SCART1: variants seen among roughly 807,000 people sequenced by gnomAD.
The protein encoded by SCART1 is scavenger receptor cysteine-rich domain-containing protein SCART1.
A neutral mutation model predicts 36.2 loss-of-function variants in SCART1; 62 were observed. The ratio of observed to expected loss-of-function variants is 1.71; its 90% CI spans 1.40 to 2.12. SCART1 has a LOEUF of 2.12. Ranked by LOEUF, SCART1 falls within the 30% of genes most tolerant of loss-of-function variation. SCART1 has a pLI of 0.00. For synonymous variants in SCART1, 487 were observed against 238.7 expected (o/e 2.04, Z -9.59); for missense variants, 1,041 against 540.5 (o/e 1.93, Z -9.18).
chr10:133,457,486 G>A (rs1027158621), exon 3 of SCART1: 1 of 702,746 alleles, frequency 1.4e-6, no homozygotes, highest in African/African-American at 1.7e-5. Context: ...GCCTGCAGGG[G>A]TACCGAGCCC....
At position 133,459,494 on chromosome 10, in the gene SCART1, C is replaced by T. The variant is rs755493520; in HGVS notation, c.1293C>T (p.Ala431=). 1.1e-4 allele frequency: 71 copies of T among 651,558 alleles called. 2 individuals carry two copies. In the South Asian group the frequency reaches 1.2e-3, roughly 11 times the overall value. The allele number at this position is 651,558 out of a possible 1,614,324, so 40.4% of individuals were successfully genotyped here. The change falls in exon 6 of 12, where the codon GCC becomes GCT. Residue 431 remains alanine, a synonymous_variant. Coordinates refer to ENST00000640237, the Ensembl canonical transcript of SCART1. ...GTGCGTCCCCATCCCCAGGTCTGGCCCACGCCCTGCGACTGAGGGAAGGAC... is the reference window on the plus strand; with the variant it reads ...GTGCGTCCCCATCCCCAGGTCTGGCTCACGCCCTGCGACTGAGGGAAGGAC...
exon 3 of SCART1, chr10:133,457,378 T>C (rs1239464706): frequency 4.3e-6 from 3 of 701,716 alleles, no homozygotes; most frequent in Non-Finnish European, 7.8e-6. Context: ...CTCTGTGTCC[T>C]GCATGTGGAG....
rs1564833437 is a variant in SCART1 at position 133,456,609 on chromosome 10, C to CGAGGAGGAGGACTGGGAGGACGCA, written c.385+64_385+87dup. The CGAGGAGGAGGACTGGGAGGACGCA allele has an allele frequency of 4.0e-5, 24 of 603,506 alleles. No individual in the cohort carries two copies. In the South Asian group the frequency reaches 4.7e-4, roughly 12 times the overall value. The allele number at this position is 603,506 out of a possible 1,614,324, so 37.4% of individuals were successfully genotyped here. A position where few individuals can be genotyped will look rare whatever the true frequency, so the allele number is the denominator to read the frequency against. ...CTGAGGAGGAGGAGGAGTGGGAGGA[C>CGAGGAGGAGGACTGGGAGGACGCA]GAGGAGGAGGACTGGGAGGACGCAG... is the stretch of plus-strand genomic sequence containing the variant. On this transcript the variant is annotated intron_variant, in intron 2 of 11. Transcript: ENST00000640237.
At position 133,454,205 on chromosome 10, in the gene SCART1, G is replaced by A. The variant is rs557857074; in HGVS notation, c.67+141G>A. The stretch of plus-strand genomic sequence containing the variant: ...CAGCCCAGAGTGGGTGGGACATGCT[G>A]GGGCAGGAGGGAGGTGACTCCACAT... On this transcript the variant is annotated intron_variant, in intron 1 of 11. Transcript: ENST00000640237. The A allele has an allele frequency of 2.5e-5, 16 of 650,598 alleles. No homozygotes were observed. In the South Asian group the frequency reaches 2.7e-4, roughly 11 times the overall value. 40.3% of individuals were successfully genotyped at this position (650,598 alleles called of 1,614,324 possible). A position where few individuals can be genotyped will look rare whatever the true frequency, so the allele number is the denominator to read the frequency against.
At chr10:133,459,761 G>A in exon 6 of SCART1, 1 of 690,870 alleles carries the variant, frequency 1.4e-6, no homozygotes, top group Non-Finnish European at 2.6e-6. Context: ...CGACCCTGCA[G>A]GAGCCCGCGG....
Position 133,464,741 on chromosome 10 carries a change from TGGGGTG to T in SCART1, c.2106_2111del (p.Cys704_Gly705del), listed in dbSNP as rs1850742670. 37 of 535,734 alleles carry T rather than the reference TGGGGTG, an allele frequency of 6.9e-5. No homozygotes were observed. The East Asian group carries it at 1.5e-3, about 22-fold the overall frequency. 33.2% of individuals were successfully genotyped at this position (535,734 alleles called of 1,614,324 possible). A position where few individuals can be genotyped will look rare whatever the true frequency, so the allele number is the denominator to read the frequency against. The stretch of plus-strand genomic sequence containing the variant: ...TCCTTGTCCATCATCTGCAAGCAGC[TGGGGTG>T]TGGGGTGTGGGGAGTGGGGCTGGCT... On this transcript the variant is annotated inframe_deletion, in exon 7 of 12. Coordinates refer to ENST00000640237, the Ensembl canonical transcript of SCART1.
chr10:133,457,196 G>A (rs1028093376), intron 2 of SCART1, 83 bp from the exon 3 acceptor site: 13 of 677,182 alleles, frequency 1.9e-5, no homozygotes, highest in African/African-American at 3.6e-5. Flanking sequence ...GCCCATCACT[G>A]TCCTCCCTGA....
chr10:133,456,520 C>G (rs1043495509), exon 2 of SCART1: 1 of 683,592 alleles, frequency 1.5e-6, no homozygotes, highest in Admixed American at 2.0e-5. Flanking sequence ...AGAGCCCGTG[C>G]CCCCACGCAT....
exon 4 of SCART1, chr10:133,458,517 C>T (rs767054972): frequency 1.1e-4 from 71 of 675,604 alleles, no homozygotes; most frequent in Admixed American, 2.2e-4. Context: ...CGCCCGAGGG[C>T]GCCCGCTTCG....
chr10:133,467,883 C>T (rs1850781168), exon 12 of SCART1: 2 of 699,406 alleles, frequency 2.9e-6, no homozygotes, highest in Admixed American at 2.0e-5. Flanking sequence ...GAGGGACAGT[C>T]TATACGTGCG....
intron 4 of SCART1, 105 bp downstream of exon 4, chr10:133,458,761 G>C: frequency 1.5e-6 from 1 of 675,070 alleles, no homozygotes; most frequent in Non-Finnish European, 2.6e-6. Flanking sequence ...GGGTGCTTTT[G>C]ATGTTTGCTT....
At chr10:133,455,295 C>T (rs139574040) in intron 1 of SCART1, among the ~76,000 whole-genome samples, 4 of 152,146 alleles carry the variant, frequency 2.6e-5, no homozygotes, top group East Asian at 1.9e-4. Flanking sequence ...GACACCAGCA[C>T]GCATCCATGT....
intron 6 of SCART1, among the ~76,000 whole-genome samples, chr10:133,461,384 G>C (rs1850700002): frequency 6.6e-6 from 1 of 152,196 alleles, no homozygotes; most frequent in Non-Finnish European, 1.5e-5. Flanking sequence ...TTATCCAAGT[G>C]TGGGCTCTTC....
Position 133,462,694 on chromosome 10 carries a change from A to G in SCART1, c.1970-1912A>G, listed in dbSNP as rs570523498. Among the ~76,000 whole-genome samples, 9 of 152,248 alleles carry G rather than the reference A, an allele frequency of 5.9e-5. No homozygotes were observed. The East Asian group carries it at 1.7e-3, about 29-fold the overall frequency. On this transcript the variant is annotated intron_variant, in intron 6 of 11. Coordinates refer to ENST00000640237, the Ensembl canonical transcript of SCART1. ...TAGTGCCTTCAGTCACTTGATGGTT[A>G]GGTGGAGCCTTGCTTCGGGGCCCTG...
At chr10:133,468,096 G>A (rs1174933093) in exon 12 of SCART1, 5 of 564,564 alleles carry the variant, frequency 8.9e-6, no homozygotes, top group Non-Finnish European at 1.3e-5. Flanking sequence ...CCATGTCCAT[G>A]TAAAATCCAG....
chr10:133,469,438 T>C (rs943374411), downstream of SCART1, among the ~76,000 whole-genome samples: 1 of 152,188 alleles, frequency 6.6e-6, no homozygotes, highest in Non-Finnish European at 1.5e-5. Flanking sequence ...TTCATGTCCT[T>C]TGCAGGGACG....
exon 3 of SCART1, chr10:133,457,550 G>A (rs1354567936): frequency 1.4e-6 from 1 of 701,506 alleles, no homozygotes; most frequent in Non-Finnish European, 2.6e-6. Flanking sequence ...GCGACCTGCG[G>A]CTGGACGCAG....
At chr10:133,454,753 C>A (rs948929227) in intron 1 of SCART1, among the ~76,000 whole-genome samples, 7 of 152,152 alleles carry the variant, frequency 4.6e-5, no homozygotes, top group Admixed American at 4.6e-4. Context: ...AGGGCGGTGA[C>A]CTGGTGCTGG....
intron 2 of SCART1, 29 bp downstream of exon 2, chr10:133,456,583 G>A: frequency 1.6e-6 from 1 of 631,734 alleles, no homozygotes; most frequent in Non-Finnish European, 2.9e-6. Flanking sequence ...AGGGGACGGG[G>A]CTGAGGAGGA....
Sources: allele counts gnomAD v4.1 joint callset (sites outside exome capture counted in the v4.1 genomes callset), GRCh38; gene constraint gnomAD v4.1.1; transcripts MANE v1.5; gene names NCBI Gene and HGNC (gene_info 2026-07-23, HGNC 2026-07-21).